The following ZRANB3 variants were observed in gnomAD, a reference collection of about 807,000 sequenced individuals.
The protein encoded by ZRANB3 is zinc finger RANBP2-type containing 3.
Under a neutral mutation model 133.8 loss-of-function variants are expected in ZRANB3, and 125 were observed. The observed-to-expected ratio is 0.93, with a 90% CI of 0.81 to 1.08. The LOEUF (loss-of-function observed/expected upper bound fraction) is 1.08, where lower values mean the gene tolerates loss of function less well. ZRANB3 is among the 50% of genes least tolerant of loss of function. The probability of loss-of-function intolerance (pLI) is 0.00; values close to 1 mark genes in which losing one functional copy is unlikely to be tolerated. For synonymous variants in ZRANB3, 387 were observed against 432.7 expected, an observed-to-expected ratio of 0.89 and a Z score of 1.31; for missense variants, 1,229 against 1,275.5, an observed-to-expected ratio of 0.96 and a Z score of 0.56.
rs1002841106 is a variant in ZRANB3 at position 135,204,342 on chromosome 2, A to G, written c.3010-1379T>C. On this transcript the variant is annotated intron_variant, in intron 19 of 20. Transcript: ENST00000264159. ...ATGGCATAGTCTTAGGGAAAAAAAA[A>G]TCCATTTTGGTTTTGCCTTTTTAAA... Among the ~76,000 whole-genome samples, 3 of 152,100 alleles carry G rather than the reference A, an allele frequency of 2.0e-5. No individual in the cohort carries two copies. In the South Asian group the frequency reaches 6.2e-4, roughly 32 times the overall value.
At chr2:135,530,699 A>T (rs1694522227) in intron 1 of ZRANB3, 1 of 152,208 alleles carries the variant, frequency 6.6e-6, no homozygotes, top group South Asian at 2.1e-4. Context: ...CCCTTCTTCC[A>T]TCACTTCTCT....
At chr2:135,258,873 G>C (rs1228123574) in intron 12 of ZRANB3, among the ~76,000 whole-genome samples, 1 of 152,052 alleles carries the variant, frequency 6.6e-6, no homozygotes, top group Admixed American at 6.6e-5. Flanking sequence ...TCTTTTTGCT[G>C]TTACCATGTA....
intron 1 of ZRANB3, among the ~76,000 whole-genome samples, chr2:135,520,135 G>A (rs980192677): frequency 6.7e-6 from 1 of 149,712 alleles, no homozygotes; most frequent in African/African-American, 2.5e-5. Context: ...TGTAATCCCA[G>A]CACTTTGGGA....
chr2:135,334,545 A>G (rs1684285672), intron 6 of ZRANB3, among the ~76,000 whole-genome samples: 1 of 152,142 alleles, frequency 6.6e-6, no homozygotes, highest in African/African-American at 2.4e-5. Flanking sequence ...TAAATGCAAC[A>G]ATGCTGAGGA....
At chr2:135,404,583 T>C (rs931679407) in intron 2 of ZRANB3, among the ~76,000 whole-genome samples, 1 of 152,082 alleles carries the variant, frequency 6.6e-6, no homozygotes, top group Non-Finnish European at 1.5e-5. Context: ...AACATTCAAA[T>C]TCAGGAAATA....
chr2:135,508,201 G>A (rs1476099384), intron 1 of ZRANB3, among the ~76,000 whole-genome samples: 15 of 151,976 alleles, frequency 9.9e-5, no homozygotes, highest in Admixed American at 2.6e-4. Flanking sequence ...GCAGTGGCAC[G>A]ATCTCGGCTC....
At chr2:135,308,853 T>A (rs1243016620) in intron 8 of ZRANB3, among the ~76,000 whole-genome samples, 1 of 152,064 alleles carries the variant, frequency 6.6e-6, no homozygotes, top group Non-Finnish European at 1.5e-5. Flanking sequence ...AATAACCACC[T>A]CTTCTTCCCC....
intron 12 of ZRANB3, among the ~76,000 whole-genome samples, chr2:135,236,668 G>C (rs925218348): frequency 7.9e-5 from 12 of 152,250 alleles, no homozygotes; most frequent in South Asian, 2.1e-4. Flanking sequence ...TGACAAACCT[G>C]AGAAAAACAA....
intron 8 of ZRANB3, among the ~76,000 whole-genome samples, chr2:135,289,176 T>C (rs1341841243): frequency 1.3e-5 from 2 of 152,180 alleles, no homozygotes; most frequent in Non-Finnish European, 2.9e-5. Context: ...CTTGATTTTA[T>C]TGTTGACTCA....
At chr2:135,498,065 T>A (rs1559038938) in intron 2 of ZRANB3, among the ~76,000 whole-genome samples, 2 of 149,464 alleles carry the variant, frequency 1.3e-5, no homozygotes, top group African/African-American at 4.9e-5. Context: ...AAATAATAAA[T>A]AATAAATAAA....
chr2:135,227,889 G>A lies in ZRANB3; in HGVS notation c.2081C>T (p.Pro694Leu), dbSNP rs1022906253. 6.4e-7 allele frequency: 1 copy of A among 1,568,834 alleles called. No homozygotes were observed. Among genetic ancestry groups the A allele is most frequent in the Admixed American group, 1.9e-5 (1 of 53,006 alleles). ...TTCCTTGCTGTCAGCCAACTGGCCA[G>A]GTTCTGACTGTGCAAGGGCTTGTTT... ...CEKQALAQSE[P>L]GQLADSKEET... The change falls in exon 14 of 21, where the codon CCT becomes CTT. Residue 694 changes from proline (P) to leucine (L), a missense_variant. By Grantham distance (98) the Pro-to-Leu change is moderately conservative. Transcript: ENST00000264159.
chr2:135,291,611 ATACTT>A (rs1053669039), intron 8 of ZRANB3, among the ~76,000 whole-genome samples: 3 of 151,058 alleles, frequency 2.0e-5, no homozygotes, highest in Admixed American at 2.0e-4. Flanking sequence ...TATTATTATT[ATACTT>A]TAAGTTTTAG....
intron 8 of ZRANB3, among the ~76,000 whole-genome samples, chr2:135,284,947 G>C (rs1681281740): frequency 1.3e-5 from 2 of 151,492 alleles, no homozygotes; most frequent in Admixed American, 6.6e-5. Flanking sequence ...CTGGGTTCAA[G>C]CAATTCTCCT....
Position 135,530,258 on chromosome 2 carries a change from G to A in ZRANB3, c.-8+869C>T, listed in dbSNP as rs541224788. Among the ~76,000 whole-genome samples, 123 of 151,608 alleles carry A rather than the reference G, an allele frequency of 8.1e-4. 1 individual carries two copies. The highest frequency in any genetic ancestry group is 2.6e-3 in the African/African-American group (109 of 41,286). On this transcript the variant is annotated intron_variant, in intron 1 of 20. Transcript: ENST00000264159. ...TGTAAATGTAGTTCAGAACTTCGGA[G>A]CCCTGTCTTTACAGTTCAAACTGAC...
At chr2:135,234,483 G>A (rs1695196695) in intron 12 of ZRANB3, among the ~76,000 whole-genome samples, 1 of 152,138 alleles carries the variant, frequency 6.6e-6, no homozygotes, top group Non-Finnish European at 1.5e-5. Flanking sequence ...CAAATCAACA[G>A]AATATACATT....
chr2:135,231,852 C>T (rs569826800), intron 12 of ZRANB3, among the ~76,000 whole-genome samples: 10 of 152,220 alleles, frequency 6.6e-5, no homozygotes, highest in Admixed American at 3.3e-4. Context: ...CAGCTCCAGT[C>T]TACAGCTTCC....
intron 2 of ZRANB3, among the ~76,000 whole-genome samples, chr2:135,462,200 G>A (rs1332575829): frequency 2.6e-5 from 4 of 152,070 alleles, no homozygotes; most frequent in Non-Finnish European, 5.9e-5. Flanking sequence ...AAAACATAAA[G>A]GCACTGATGG....
intron 6 of ZRANB3, among the ~76,000 whole-genome samples, chr2:135,330,862 G>A (rs781701320): frequency 6.6e-5 from 10 of 151,988 alleles, no homozygotes; most frequent in Non-Finnish European, 1.3e-4. Context: ...ATTCTCTGAC[G>A]GTAGTTTGTA....
At chr2:135,451,427 T>A (rs1005084683) in intron 2 of ZRANB3, among the ~76,000 whole-genome samples, 2 of 151,990 alleles carry the variant, frequency 1.3e-5, no homozygotes, top group Non-Finnish European at 2.9e-5. Flanking sequence ...CCAGGCAAAG[T>A]GGCACATGCC....
Sources: gnomAD v4.1 joint callset for allele counts (sites outside exome capture counted in the v4.1 genomes callset) on GRCh38, gnomAD v4.1.1 for gene constraint, MANE v1.5 for transcripts, NCBI Gene and HGNC (gene_info 2026-07-23, HGNC 2026-07-21) for gene names.